The following RBFOX1 variants were observed in gnomAD, a reference collection of about 807,000 sequenced individuals.
The protein encoded by RBFOX1 is RNA binding fox-1 homolog 1.
A neutral mutation model predicts 57.7 loss-of-function variants in RBFOX1; 8 were observed. The ratio of observed to expected loss-of-function variants is 0.14; its 90% CI spans 0.08 to 0.25. The LOEUF (loss-of-function observed/expected upper bound fraction) is 0.25, where lower values mean the gene tolerates loss of function less well. Among genes scored for constraint, RBFOX1 ranks in the 10% least tolerant of loss-of-function variants. RBFOX1 has a pLI of 1.00. For missense variants in RBFOX1, 611 were observed against 548.5 expected, an observed-to-expected ratio of 1.11 and a Z score of -1.14; for synonymous variants, 326 against 222.4, an observed-to-expected ratio of 1.47 and a Z score of -4.15.
At chr16:7,081,564 A>G (rs1410666020) in intron 4 of RBFOX1, among the ~76,000 whole-genome samples, 1 of 152,198 alleles carries the variant, frequency 6.6e-6, no homozygotes, top group East Asian at 1.9e-4. Flanking sequence ...TTTTATATGG[A>G]GGACATTATT....
intron 2 of RBFOX1, among the ~76,000 whole-genome samples, chr16:6,633,388 G>A (rs960814373): frequency 6.6e-6 from 1 of 151,984 alleles, no homozygotes; most frequent in African/African-American, 2.4e-5. Context: ...AGTGATTCTT[G>A]TGCCTCAGCC....
At chr16:7,502,193 C>G (rs1010015785) in intron 4 of RBFOX1, among the ~76,000 whole-genome samples, 14 of 152,062 alleles carry the variant, frequency 9.2e-5, no homozygotes, top group African/African-American at 2.4e-4. Flanking sequence ...GTTGCAGTAA[C>G]CAGATTAGAC....
At position 6,659,231 on chromosome 16, in the gene RBFOX1, G is replaced by T. The variant is rs537173715; in HGVS notation, c.-16+4581G>T. Among the ~76,000 whole-genome samples, 7 of 24,602 alleles carry T rather than the reference G, an allele frequency of 2.8e-4. No individual in the cohort carries two copies. In the Admixed American group the frequency reaches 3.5e-3, roughly 12 times the overall value. 16.1% of individuals were successfully genotyped at this position (24,602 alleles called of 152,430 possible). ...GGGGGAGAATCTGTCAAGAGGAGAC[G>T]AGAGCCCATTTTATAAACACAGACA... is the stretch of plus-strand genomic sequence containing the variant. On this transcript the variant is annotated intron_variant, in intron 3 of 15. Coordinates refer to ENST00000550418, the MANE Select transcript of RBFOX1 (RefSeq NM_018723.4).
At chr16:6,530,764 C>A (rs1230312334) in intron 2 of RBFOX1, among the ~76,000 whole-genome samples, 3 of 150,124 alleles carry the variant, frequency 2.0e-5, no homozygotes, top group Non-Finnish European at 3.0e-5. Context: ...TCCCCACCCC[C>A]ATCTCATGAG....
chr16:6,256,181 ATATACGTATATATATGTATATGTATATG>A (rs1567787853), intron 1 of RBFOX1, among the ~76,000 whole-genome samples: 2 of 33,376 alleles, frequency 6.0e-5, no homozygotes, highest in African/African-American at 1.9e-4. Context: ...GTATATATAT[ATATACGTATATATATGTATATGTATATG>A]TGTATATATA....
At chr16:6,863,735 T>TA (rs771149908) in intron 3 of RBFOX1, among the ~76,000 whole-genome samples, 1,588 of 81,742 alleles carry the variant, frequency 0.019, 75 homozygotes, top group Non-Finnish European at 0.035. Flanking sequence ...CTTTTTTTTT[T>TA]TTTTTTTTTT....
intron 3 of RBFOX1, among the ~76,000 whole-genome samples, chr16:7,011,808 C>T (rs140023417): frequency 6.6e-5 from 10 of 152,306 alleles, no homozygotes; most frequent in Non-Finnish European, 1.0e-4. Context: ...GCCGCCGCAC[C>T]GTGCCCCAAG....
At chr16:7,280,745 G>A (rs1358488207) in intron 4 of RBFOX1, among the ~76,000 whole-genome samples, 5 of 152,126 alleles carry the variant, frequency 3.3e-5, no homozygotes. Flanking sequence ...ATTGTAGGAT[G>A]TTTGGCAAAA....
intron 4 of RBFOX1, among the ~76,000 whole-genome samples, chr16:7,215,487 CT>C (rs2091887104): frequency 6.6e-6 from 1 of 152,098 alleles, no homozygotes; most frequent in African/African-American, 2.4e-5. Flanking sequence ...TTTGTTTATT[CT>C]TTAAAGAGCT....
At chr16:7,203,203 A>C (rs1219121217) in intron 4 of RBFOX1, among the ~76,000 whole-genome samples, 1 of 152,250 alleles carries the variant, frequency 6.6e-6, no homozygotes, top group South Asian at 2.1e-4. Flanking sequence ...ATGGAATATT[A>C]TTCAACCTTA....
chr16:5,821,228 A>G (rs533338008), intron 3 of RBFOX1, among the ~76,000 whole-genome samples: 1 of 150,678 alleles, frequency 6.6e-6, no homozygotes, highest in East Asian at 2.0e-4. Context: ...TAAGACTACT[A>G]CTAGGCTGGC....
intron 3 of RBFOX1, among the ~76,000 whole-genome samples, chr16:5,720,134 T>C (rs2051873837): frequency 6.6e-6 from 1 of 152,208 alleles, no homozygotes; most frequent in Admixed American, 6.5e-5. Flanking sequence ...TGAAGTAGTA[T>C]CTCATTGTGG....
At position 6,354,089 on chromosome 16, in the gene RBFOX1, A is replaced by T. The variant is rs189485496; in HGVS notation, c.-64+37032A>T. 3.7e-4 allele frequency among the ~76,000 whole-genome samples: 56 copies of T among 152,118 alleles called. 1 individual carries two copies. In the East Asian group the frequency reaches 9.5e-3, roughly 26 times the overall value. ...ACAAAAATTAGCCAGGCCTGGTGGC[A>T]TGCGTCTGTAGTCCCAGCTACTGGG... On this transcript the variant is annotated intron_variant, in intron 2 of 15. Transcript: ENST00000550418.
chr16:6,961,734 T>C lies in RBFOX1; in HGVS notation c.-15-90323T>C, dbSNP rs143273177. On this transcript the variant is annotated intron_variant, in intron 3 of 15. Coordinates refer to ENST00000550418, the MANE Select transcript of RBFOX1 (RefSeq NM_018723.4). ...TCACCTTTAGACCATATAGGGTAGC[T>C]TGTGATTGTTTCACGGCGTTTTTAA... Among the ~76,000 whole-genome samples the C allele has an allele frequency of 3.5e-4, 54 of 152,312 alleles. 2 individuals carry two copies. In the East Asian group the frequency reaches 9.9e-3, roughly 28 times the overall value.
At chr16:7,111,189 G>A (rs997362112) in intron 4 of RBFOX1, among the ~76,000 whole-genome samples, 1 of 152,192 alleles carries the variant, frequency 6.6e-6, no homozygotes, top group African/African-American at 2.4e-5. Flanking sequence ...GCAATGCTCA[G>A]TATTAAGGAG....
At chr16:6,625,221 C>A (rs556071705) in intron 2 of RBFOX1, among the ~76,000 whole-genome samples, 2 of 149,150 alleles carry the variant, frequency 1.3e-5, no homozygotes, top group African/African-American at 4.9e-5. Context: ...TGGCACACCC[C>A]CAAAACAATT....
At position 7,269,373 on chromosome 16, in the gene RBFOX1, C is replaced by T. The variant is rs2153106208; in HGVS notation, c.27+217275C>T. Among the ~76,000 whole-genome samples, 3 of 152,208 alleles carry T rather than the reference C, an allele frequency of 2.0e-5. 1 individual carries two copies. The Middle Eastern group carries it at 0.01, about 518-fold the overall frequency. On this transcript the variant is annotated intron_variant, in intron 4 of 15. Coordinates refer to ENST00000550418, the MANE Select transcript of RBFOX1 (RefSeq NM_018723.4). Reference sequence around the variant, plus strand: ...TACAAAAGCAAAAATCATCCATTAGCTGCTCATCACCCCCAAATAATCACT... The same window carrying T: ...TACAAAAGCAAAAATCATCCATTAGTTGCTCATCACCCCCAAATAATCACT...
chr16:6,216,225 C>T (rs976682811), intron 1 of RBFOX1, among the ~76,000 whole-genome samples: 17 of 151,912 alleles, frequency 1.1e-4, no homozygotes, highest in Admixed American at 3.9e-4. Context: ...ACAACAACCC[C>T]CCATGACACA....
At chr16:6,765,475 A>G (rs1461269077) in intron 3 of RBFOX1, among the ~76,000 whole-genome samples, 2 of 152,170 alleles carry the variant, frequency 1.3e-5, no homozygotes, top group Non-Finnish European at 2.9e-5. Flanking sequence ...ACATACCCCT[A>G]TAACTCAAGT....
Sources: allele counts gnomAD v4.1 joint callset (sites outside exome capture counted in the v4.1 genomes callset), GRCh38; gene constraint gnomAD v4.1.1; transcripts MANE v1.5; gene names NCBI Gene and HGNC (gene_info 2026-07-23, HGNC 2026-07-21).